The following CLIC5 variants were observed in gnomAD, a reference collection of about 807,000 sequenced individuals.
CLIC5 encodes CLIC family member 5.
Under a neutral mutation model 24.7 loss-of-function variants are expected in CLIC5, and 20 were observed. The observed-to-expected ratio is 0.81, with a 90% CI of 0.57 to 1.18. The LOEUF is 1.18. Among genes scored for constraint, CLIC5 ranks in the 50% most tolerant of loss-of-function variants. The pLI, the probability that CLIC5 is intolerant of heterozygous loss-of-function variation, is 0.00. For missense variants in CLIC5, 341 were observed against 326.1 expected, an observed-to-expected ratio of 1.05 and a Z score of -0.35; for synonymous variants, 159 against 135.6, an observed-to-expected ratio of 1.17 and a Z score of -1.20.
intron 5 of CLIC5, among the ~76,000 whole-genome samples, chr6:45,906,726 C>T (rs1762672170): frequency 6.6e-6 from 1 of 152,118 alleles, no homozygotes; most frequent in Non-Finnish European, 1.5e-5. Context: ...CCATGCCCAG[C>T]TAATTTTGTG....
chr6:46,054,808 A>G (rs138575359), intron 1 of CLIC5, among the ~76,000 whole-genome samples: 91 of 152,348 alleles, frequency 6.0e-4, no homozygotes, highest in African/African-American at 1.9e-3. Flanking sequence ...TTCACCAGAA[A>G]CTGATCATGC....
chr6:45,895,051 C>T (rs561352179), downstream of CLIC5, among the ~76,000 whole-genome samples: 23 of 152,138 alleles, frequency 1.5e-4, no homozygotes, highest in South Asian at 4.8e-3. Context: ...ATTCCTATCT[C>T]ACTAGAAAAA....
intron 4 of CLIC5, among the ~76,000 whole-genome samples, chr6:45,915,827 AC>A (rs1230663504): frequency 2.0e-5 from 3 of 152,286 alleles, no homozygotes; most frequent in Admixed American, 6.5e-5. Flanking sequence ...TACCATAGAA[AC>A]TTTCTACTTG....
the CLIC5 span, among the ~76,000 whole-genome samples, chr6:46,096,860 T>C: frequency 6.6e-6 from 1 of 152,212 alleles, no homozygotes; most frequent in Non-Finnish European, 1.5e-5. Flanking sequence ...TATGAAGCTA[T>C]AGAAGGCAAA....
At chr6:45,911,526 G>A in intron 5 of CLIC5, 3 of 856,840 alleles carry the variant, frequency 3.5e-6, no homozygotes, top group Non-Finnish European at 4.2e-6. Context: ...AGAACTGGCT[G>A]GAATTTATCA....
rs1221380855 is a variant in CLIC5 at position 45,901,680 on chromosome 6, T to G, written c.*1408A>C. 1.3e-5 allele frequency: 2 copies of G among 152,398 alleles called. No individual in the cohort carries two copies. Among genetic ancestry groups the G allele is most frequent in the African/African-American group, 4.8e-5 (2 of 41,394 alleles). 9.4% of individuals were successfully genotyped at this position (152,398 alleles called of 1,614,324 possible). A position where few individuals can be genotyped will look rare whatever the true frequency, so the allele number is the denominator to read the frequency against. ...TTTTTCTTAGTTTCCTCTGCACAGG[T>G]CCCCAAGCTCAGGCTGGGTAAGCTT... On this transcript the variant is annotated 3_prime_UTR_variant, in exon 6 of 6. Coordinates refer to ENST00000339561, the MANE Select transcript of CLIC5 (RefSeq NM_016929.5).
intron 1 of CLIC5, among the ~76,000 whole-genome samples, chr6:46,028,589 G>A (rs1460350382): frequency 6.6e-6 from 1 of 152,096 alleles, no homozygotes; most frequent in African/African-American, 2.4e-5. Context: ...TAAGTTATAG[G>A]TTATAGGTGC....
intron 1 of CLIC5, among the ~76,000 whole-genome samples, chr6:46,068,756 G>T (rs113998390): frequency 6.6e-6 from 1 of 152,102 alleles, no homozygotes; most frequent in Non-Finnish European, 1.5e-5. Context: ...AACATGCACA[G>T]GGGGAAGACC....
At chr6:46,082,019 A>T (rs1050166051), upstream of CLIC5, among the ~76,000 whole-genome samples, 4 of 152,204 alleles carry the variant, frequency 2.6e-5, no homozygotes, top group Non-Finnish European at 5.9e-5. Context: ...CATTTTGTAC[A>T]TTAAAAGAGT....
chr6:45,925,650 C>T (rs1431724643), intron 4 of CLIC5, among the ~76,000 whole-genome samples: 1 of 152,134 alleles, frequency 6.6e-6, no homozygotes, highest in African/African-American at 2.4e-5. Context: ...CCTTGCACAG[C>T]GTATGGTACT....
chr6:45,949,189 C>A, intron 3 of CLIC5, 67 bp downstream of exon 3: 2 of 1,548,674 alleles, frequency 1.3e-6, no homozygotes, highest in African/African-American at 1.4e-5. Flanking sequence ...GAAGTTAACA[C>A]CAGGACTTTA....
At chr6:46,031,887 TAC>T (rs1767510880) in intron 1 of CLIC5, among the ~76,000 whole-genome samples, 1 of 146,704 alleles carries the variant, frequency 6.8e-6, no homozygotes, top group African/African-American at 2.5e-5. Flanking sequence ...CATATATATA[TAC>T]ACACATATAT....
intron 1 of CLIC5, among the ~76,000 whole-genome samples, chr6:45,977,429 C>A (rs1765421741): frequency 6.6e-6 from 1 of 152,110 alleles, no homozygotes; most frequent in Non-Finnish European, 1.5e-5. Flanking sequence ...GCCCAGCTAC[C>A]TTCCCTCCAT....
intron 2 of CLIC5, among the ~76,000 whole-genome samples, chr6:45,954,478 G>A (rs1480598013): frequency 6.6e-6 from 1 of 152,130 alleles, no homozygotes; most frequent in African/African-American, 2.4e-5. Flanking sequence ...AATATGCCAA[G>A]CTCACCAGGG....
intron 1 of CLIC5, among the ~76,000 whole-genome samples, chr6:46,012,476 C>T (rs990948280): frequency 2.0e-5 from 3 of 152,164 alleles, no homozygotes; most frequent in Non-Finnish European, 4.4e-5. Flanking sequence ...GGGAAAGACT[C>T]GGAGTACATA....
downstream of CLIC5, among the ~76,000 whole-genome samples, chr6:45,897,307 G>C (rs1762406749): frequency 6.6e-6 from 1 of 152,220 alleles, no homozygotes; most frequent in South Asian, 2.1e-4. Flanking sequence ...AACTTGGTCA[G>C]GAGCCCACTT....
chr6:46,099,064 C>A, the CLIC5 span, among the ~76,000 whole-genome samples: 1 of 152,128 alleles, frequency 6.6e-6, no homozygotes, highest in Non-Finnish European at 1.5e-5. Context: ...GTAGGTTCCA[C>A]ACCAAGTTTT....
chr6:45,970,873 AT>A (rs1330914338), intron 1 of CLIC5, among the ~76,000 whole-genome samples: 3 of 152,220 alleles, frequency 2.0e-5, no homozygotes, highest in African/African-American at 7.2e-5. Context: ...CTACATCTGA[AT>A]TCTCTGATTC....
At chr6:45,962,853 G>A (rs757840329) in intron 1 of CLIC5, among the ~76,000 whole-genome samples, 8 of 152,174 alleles carry the variant, frequency 5.3e-5, no homozygotes, top group Non-Finnish European at 8.8e-5. Flanking sequence ...AACTTTGTAT[G>A]TTGCACAGTG....
Sources: allele counts gnomAD v4.1 joint callset (sites outside exome capture counted in the v4.1 genomes callset), GRCh38; gene constraint gnomAD v4.1.1; transcripts MANE v1.5; gene names NCBI Gene and HGNC (gene_info 2026-07-23, HGNC 2026-07-21).